C12orf54: variants seen among roughly 807,000 people sequenced by gnomAD.
C12orf54 encodes the protein chromosome 12 open reading frame 54.
A neutral mutation model predicts 26.4 loss-of-function variants in C12orf54; 24 were observed. The observed-to-expected ratio is 0.91, with a 90% CI of 0.66 to 1.28. The LOEUF (loss-of-function observed/expected upper bound fraction) is 1.28, where lower values mean the gene tolerates loss of function less well. Ranked by LOEUF, C12orf54 falls within the 50% of genes most tolerant of loss-of-function variation. C12orf54 has a pLI of 0.00. For synonymous variants in C12orf54, 54 were observed against 47.0 expected (o/e 1.15, Z -0.61); for missense variants, 154 against 150.9 (o/e 1.02, Z -0.11).
At chr12:48,491,811 G>C (rs181872137) in intron 6 of C12orf54, among the ~76,000 whole-genome samples, 2 of 152,166 alleles carry the variant, frequency 1.3e-5, no homozygotes, top group Admixed American at 1.3e-4. Context: ...TTACAAATTG[G>C]GGCTTTTCAA....
chr12:48,488,320 C>T, intron 4 of C12orf54: 1 of 542,724 alleles, frequency 1.8e-6, no homozygotes, highest in South Asian at 1.7e-5. Context: ...AACAGAGATA[C>T]CTACAGACAG....
At chr12:48,429,070 T>C in the C12orf54 span, among the ~76,000 whole-genome samples, 1 of 152,246 alleles carries the variant, frequency 6.6e-6, no homozygotes, top group South Asian at 2.1e-4. Flanking sequence ...AAAAATCACA[T>C]GATCATCTCA....
the C12orf54 span, among the ~76,000 whole-genome samples, chr12:48,452,911 C>T: frequency 1.3e-5 from 2 of 152,090 alleles, no homozygotes; most frequent in East Asian, 3.9e-4. Context: ...TTAGTTCAAC[C>T]ATTGTAGAAG....
At chr12:48,431,742 G>A in the C12orf54 span, among the ~76,000 whole-genome samples, 4 of 152,148 alleles carry the variant, frequency 2.6e-5, no homozygotes, top group Admixed American at 6.5e-5. Context: ...ATTGATATCA[G>A]TATTGGATGT....
At chr12:48,440,885 A>T in the C12orf54 span, among the ~76,000 whole-genome samples, 1 of 152,226 alleles carries the variant, frequency 6.6e-6, no homozygotes, top group Non-Finnish European at 1.5e-5. Flanking sequence ...AAAATAAAAT[A>T]AGATAACAAT....
chr12:48,470,942 A>G, the C12orf54 span, among the ~76,000 whole-genome samples: 3 of 152,176 alleles, frequency 2.0e-5, no homozygotes, highest in African/African-American at 7.2e-5. Context: ...CCATCCCCAG[A>G]AGCATTTATC....
At chr12:48,428,073 T>C in the C12orf54 span, among the ~76,000 whole-genome samples, 7 of 152,050 alleles carry the variant, frequency 4.6e-5, no homozygotes, top group Non-Finnish European at 7.4e-5. Context: ...TGAGTGATCA[T>C]TGGGTCAAAA....
At chr12:48,473,652 C>T in the C12orf54 span, 1 of 261,890 alleles carries the variant, frequency 3.8e-6, no homozygotes, top group South Asian at 4.7e-5. Flanking sequence ...TTCCTTGTGT[C>T]CAGTTTTTGT....
At chr12:48,458,391 A>T in the C12orf54 span, among the ~76,000 whole-genome samples, 2 of 152,208 alleles carry the variant, frequency 1.3e-5, no homozygotes, top group African/African-American at 4.8e-5. Context: ...GAATTTTATT[A>T]TCGGGGTGTT....
the C12orf54 span, among the ~76,000 whole-genome samples, chr12:48,465,247 G>A: frequency 1.3e-5 from 2 of 152,058 alleles, no homozygotes; most frequent in Non-Finnish European, 2.9e-5. Context: ...TAAAAAGTGG[G>A]CAAGGGACAT....
intron 7 of C12orf54, among the ~76,000 whole-genome samples, chr12:48,493,590 C>T (rs1937839373): frequency 7.0e-6 from 1 of 142,908 alleles, no homozygotes; most frequent in Admixed American, 7.0e-5. Flanking sequence ...CACTTCCCTC[C>T]ATCCTGGGCT....
chr12:48,473,783 C>T, the C12orf54 span, among the ~76,000 whole-genome samples: 13 of 152,190 alleles, frequency 8.5e-5, no homozygotes, highest in East Asian at 3.8e-4. Context: ...TGGAAGTCCG[C>T]GGCTGGTCTC....
At chr12:48,437,814 C>T in the C12orf54 span, among the ~76,000 whole-genome samples, 2 of 152,042 alleles carry the variant, frequency 1.3e-5, no homozygotes, top group East Asian at 3.8e-4. Context: ...TGGACAAAAA[C>T]TGGAAGCATT....
the C12orf54 span, chr12:48,473,012 G>C: frequency 3.1e-6 from 5 of 1,613,952 alleles, no homozygotes; most frequent in East Asian, 4.5e-5. Flanking sequence ...AAAACCTCGA[G>C]AGCTTAGACC....
chr12:48,452,981 A>G, the C12orf54 span, among the ~76,000 whole-genome samples: 7 of 152,312 alleles, frequency 4.6e-5, 1 homozygote, highest in Middle Eastern at 0.02. Flanking sequence ...CAGCAATCCC[A>G]TTACTGAGTA....
chr12:48,446,556 G>A, the C12orf54 span, among the ~76,000 whole-genome samples: 2 of 152,142 alleles, frequency 1.3e-5, no homozygotes, highest in Non-Finnish European at 2.9e-5. Context: ...CCTGGGGGCA[G>A]CTGGGCCCAT....
At chr12:48,471,608 C>A in the C12orf54 span, among the ~76,000 whole-genome samples, 1 of 152,062 alleles carries the variant, frequency 6.6e-6, no homozygotes, top group South Asian at 2.1e-4. Context: ...AAGTCCTTTC[C>A]CCATTGCTTG....
the C12orf54 span, among the ~76,000 whole-genome samples, chr12:48,429,301 C>A: frequency 6.6e-6 from 1 of 151,792 alleles, no homozygotes; most frequent in African/African-American, 2.4e-5. Flanking sequence ...CAGCATAGTT[C>A]TGGAAGTCCT....
chr12:48,434,110 A>G, the C12orf54 span, among the ~76,000 whole-genome samples: 1 of 152,176 alleles, frequency 6.6e-6, no homozygotes, highest in African/African-American at 2.4e-5. Context: ...ACACCAGGAG[A>G]TTATATCCCA....
Sources: gnomAD v4.1 joint callset for allele counts (sites outside exome capture counted in the v4.1 genomes callset) on GRCh38, gnomAD v4.1.1 for gene constraint, MANE v1.5 for transcripts, NCBI Gene and HGNC (gene_info 2026-07-23, HGNC 2026-07-21) for gene names.